Variants in CATSPER2 observed in about 807,000 individuals in gnomAD.
CATSPER2 encodes cation channel sperm-associated protein 2.
A neutral mutation model predicts 68.8 loss-of-function variants in CATSPER2; 56 were observed. That is an observed-to-expected ratio of 0.81 (90% CI 0.66 to 1.02). CATSPER2 has a LOEUF of 1.02. CATSPER2 is among the 50% of genes least tolerant of loss of function. CATSPER2 has a pLI of 0.00. For synonymous variants in CATSPER2, 198 were observed against 229.9 expected (o/e 0.86, Z 1.26); for missense variants, 582 against 642.0 (o/e 0.91, Z 1.01).
intron 7 of CATSPER2, chr15:43,637,625 A>G (rs1049845308): frequency 3.3e-5 from 5 of 152,024 alleles, no homozygotes; most frequent in Non-Finnish European, 7.4e-5. Flanking sequence ...TAGTGGTTTA[A>G]TATTTAAAAA....
chr15:43,635,288 A>G lies in CATSPER2; in HGVS notation c.1178+72T>C, dbSNP rs1301030844. The G allele has an allele frequency of 6.8e-6, 9 of 1,330,002 alleles. No individual in the cohort carries two copies. In the Admixed American group the frequency reaches 1.2e-4, roughly 17 times the overall value. The allele number at this position is 1,330,002 out of a possible 1,614,324, so 82.4% of individuals were successfully genotyped here. A position where few individuals can be genotyped will look rare whatever the true frequency, so the allele number is the denominator to read the frequency against. On this transcript the variant is annotated intron_variant, in intron 10 of 12. Transcript: ENST00000396879. ...ATGAATGAATTATCTCTCAAAGCCA[A>G]TCTTCATCTTTAGTTTTCCACCCTC... is the stretch of plus-strand genomic sequence containing the variant.
intron 10 of CATSPER2, 152 bp from the exon 11 acceptor site, chr15:43,633,086 C>A (rs2085904445): frequency 1.2e-6 from 1 of 850,548 alleles, no homozygotes. Flanking sequence ...GCACTTCCAA[C>A]CTCAATCATT....
intron 7 of CATSPER2, among the ~76,000 whole-genome samples, chr15:43,638,089 G>A (rs1399894713): frequency 1.3e-5 from 2 of 150,596 alleles, no homozygotes; most frequent in African/African-American, 2.4e-5. Flanking sequence ...GGAGTAGCTG[G>A]GATTACAGGC....
At chr15:43,632,547 C>T (rs2085893565) in intron 11 of CATSPER2, 170 bp downstream of exon 11, 3 of 1,462,026 alleles carry the variant, frequency 2.1e-6, no homozygotes, top group East Asian at 2.3e-5. Context: ...GCCACACTTA[C>T]CCGAAGTGAA....
intron 4 of CATSPER2, among the ~76,000 whole-genome samples, chr15:43,644,153 G>T (rs2447211): frequency 6.6e-6 from 1 of 151,722 alleles, no homozygotes; most frequent in Non-Finnish European, 1.5e-5. Flanking sequence ...ATATCCAGTT[G>T]TGGAAGCAGA....
In CATSPER2 at chr15:43,648,842, A is replaced by C. The variant is rs768140001; in HGVS notation, c.-216T>G. 2 of 1,527,088 alleles carry C rather than the reference A, an allele frequency of 1.3e-6. No individual in the cohort carries two copies. Among genetic ancestry groups the C allele is most frequent in the South Asian group, 2.4e-5 (2 of 82,946 alleles). 94.6% of individuals were successfully genotyped at this position (1,527,088 alleles called of 1,614,324 possible). A position where few individuals can be genotyped will look rare whatever the true frequency, so the allele number is the denominator to read the frequency against. On this transcript the variant is annotated 5_prime_UTR_variant, in exon 1 of 13. Transcript: ENST00000396879. ...CCCACAGCCCAGGACCATGCGGAGC[A>C]ACGCTCGCCCAGCCACTCGCCGCCT...
chr15:43,637,715 T>C (rs1469935058), intron 7 of CATSPER2: 1 of 151,948 alleles, frequency 6.6e-6, no homozygotes, highest in East Asian at 1.9e-4. Context: ...CCAATTTTAG[T>C]ACATGTGCTG....
rs2085852021 is a variant in CATSPER2 at position 43,630,375 on chromosome 15, TAC to T, written c.*324_*325del. 1 of 389,206 alleles carries T rather than the reference TAC, an allele frequency of 2.6e-6. No homozygotes were observed. The highest frequency in any genetic ancestry group is 3.6e-5 in the Admixed American group (1 of 27,470). 24.1% of individuals were successfully genotyped at this position (389,206 alleles called of 1,614,324 possible). Reference sequence around the variant, plus strand: ...ATCAGGAGTATTTATAAGACACTTATACAGAGTCTCACTCTGTTGCCCAGGCT... The same window carrying T: ...ATCAGGAGTATTTATAAGACACTTATAGAGTCTCACTCTGTTGCCCAGGCT... On this transcript the variant is annotated 3_prime_UTR_variant, in exon 13 of 13. Transcript: ENST00000396879.
In CATSPER2 at chr15:43,639,834, C is replaced by T. The variant is rs1484794280; in HGVS notation, c.562-36G>A. On this transcript the variant is annotated intron_variant, in intron 5 of 12. Transcript: ENST00000396879. ...CACACAGGTTATAAGTAAAATACACCCCAAGGCACCCAGGCAGAATTGCAG... is the reference window on the plus strand; with the variant it reads ...CACACAGGTTATAAGTAAAATACACTCCAAGGCACCCAGGCAGAATTGCAG... The T allele has an allele frequency of 2.5e-6, 4 of 1,608,012 alleles. No individual in the cohort carries two copies. In the South Asian group the frequency reaches 4.4e-5, roughly 18 times the overall value.
In CATSPER2 at chr15:43,638,286, C is replaced by CTTTCTTTTTTTTTTTTTTTTTTTTT. The variant is rs1354288133; in HGVS notation, c.842+617_842+618insAAAAAAAAAAAAAAAAAAAAAGAAA. Among the ~76,000 whole-genome samples the CTTTCTTTTTTTTTTTTTTTTTTTTT allele has an allele frequency of 2.8e-4, 23 of 81,834 alleles. 1 individual carries two copies. Among genetic ancestry groups the CTTTCTTTTTTTTTTTTTTTTTTTTT allele is most frequent in the African/African-American group, 1.5e-3 (20 of 13,272 alleles). 53.7% of individuals were successfully genotyped at this position (81,834 alleles called of 152,430 possible). A position where few individuals can be genotyped will look rare whatever the true frequency, so the allele number is the denominator to read the frequency against. Reference sequence around the variant, plus strand: ...ATTTTTCTTTTCTTTTTCTTTCTTTCTTTTTTTTTTTTTTTTTTTTTGAGA... The same window carrying CTTTCTTTTTTTTTTTTTTTTTTTTT: ...ATTTTTCTTTTCTTTTTCTTTCTTTCTTTCTTTTTTTTTTTTTTTTTTTTTTTTTTTTTTTTTTTTTTTTTTGAGA... On this transcript the variant is annotated intron_variant, in intron 7 of 12. Transcript: ENST00000396879.
At chr15:43,641,438 T>C (rs933506626) in intron 4 of CATSPER2, among the ~76,000 whole-genome samples, 3 of 151,944 alleles carry the variant, frequency 2.0e-5, no homozygotes, top group African/African-American at 7.2e-5. Context: ...CTAATTGCTA[T>C]TCCTTAATTC....
Position 43,630,459 on chromosome 15 carries a change from A to T in CATSPER2, c.*242T>A, listed in dbSNP as rs2085853053. On this transcript the variant is annotated 3_prime_UTR_variant, in exon 13 of 13. Transcript: ENST00000396879. ...AACCTCTGACTCCCAGGTTCAAGTG[A>T]TTCTCCTGCCTCAGGCTCCCAAGTA... 6.8e-6 allele frequency: 5 copies of T among 734,312 alleles called. No homozygotes were observed. In the South Asian group the frequency reaches 7.5e-5, roughly 11 times the overall value. 45.5% of individuals were successfully genotyped at this position (734,312 alleles called of 1,614,324 possible).
At chr15:43,641,515 GAA>G (rs60797816) in intron 4 of CATSPER2, among the ~76,000 whole-genome samples, 32,544 of 139,676 alleles carry the variant, frequency 0.23, 5,707 homozygotes, top group African/African-American at 0.49. Flanking sequence ...CATACCCTTG[GAA>G]AAAAAAAAAA....
chr15:43,643,957 T>C (rs1383545396), intron 4 of CATSPER2, among the ~76,000 whole-genome samples: 1 of 151,992 alleles, frequency 6.6e-6, no homozygotes, highest in Non-Finnish European at 1.5e-5. Context: ...CAAGTGATCC[T>C]GCCACCTCAG....
rs2085856929 is a variant in CATSPER2 at position 43,630,727 on chromosome 15, C to T, written c.1567G>A (p.Ala523Thr). 3 of 1,612,130 alleles carry T rather than the reference C, an allele frequency of 1.9e-6. No homozygotes were observed. The Admixed American group carries it at 5.0e-5, about 27-fold the overall frequency. The part of the protein sequence containing the change: ...RKKLQEFAVQ[A>T]LMNLEDK Reference sequence around the variant, plus strand: ...TACTTGTCTTCCAAGTTCATCAGTGCCTGCACTGCAAAGGAAACAGATTGT... The same window carrying T: ...TACTTGTCTTCCAAGTTCATCAGTGTCTGCACTGCAAAGGAAACAGATTGT... Residue 523 changes from alanine to threonine, a missense_variant, in exon 13 of 13, where the codon GCA becomes ACA. By Grantham distance (58) the Ala-to-Thr change is moderately conservative. Around this residue, in one of 5 missense-constraint regions of CATSPER2, gnomAD observed 235 missense variants for 264.2 expected, o/e 0.89. Coordinates refer to ENST00000396879, the MANE Select transcript of CATSPER2 (RefSeq NM_172095.4).
Position 43,635,362 on chromosome 15 carries a change from G to A in CATSPER2, c.1176C>T (p.Asp392=). The part of the protein sequence containing the change: ...ALTSSHSKIE[D]SSRGASQQRE... Reference sequence around the variant, plus strand: ...CAGTTCACATACATACTCCTAACCTGTCCTCTATTTTGCTATGGCTTGACG... The same window carrying A: ...CAGTTCACATACATACTCCTAACCTATCCTCTATTTTGCTATGGCTTGACG... Residue 392 remains aspartate (D), a splice_region_variant and synonymous_variant, in exon 10 of 13, where the codon GAC becomes GAT. Transcript: ENST00000396879. 1.2e-6 allele frequency: 2 copies of A among 1,607,340 alleles called. No individual in the cohort carries two copies. Among genetic ancestry groups the A allele is most frequent in the Non-Finnish European group, 1.7e-6 (2 of 1,177,214 alleles).
chr15:43,634,730 T>C (rs997664788), intron 10 of CATSPER2: 12 of 153,158 alleles, frequency 7.8e-5, no homozygotes, highest in Non-Finnish European at 1.5e-4. Context: ...CTGCTTTTTT[T>C]GTCCACTGCT....
At position 43,636,084 on chromosome 15, in the gene CATSPER2, C is replaced by A. The variant is rs1299586290; in HGVS notation, c.978G>T (p.Leu326Phe). 2 of 1,594,644 alleles carry A rather than the reference C, an allele frequency of 1.3e-6. No homozygotes were observed. ...FSSIYFILWL[L>F]LGSIIFRSII... ...TACTTCGAAAGATAATGGAGCCAAGCAACAACCAAAGGATGAAATAGATGC... is the reference window on the plus strand; with the variant it reads ...TACTTCGAAAGATAATGGAGCCAAGAAACAACCAAAGGATGAAATAGATGC... Residue 326 changes from leucine (L) to phenylalanine (F), a missense_variant, in exon 8 of 13, where the codon TTG becomes TTT. By Grantham distance (22) the Leu-to-Phe change is conservative. Coordinates refer to ENST00000396879, the MANE Select transcript of CATSPER2 (RefSeq NM_172095.4).
Position 43,648,781 on chromosome 15 carries a change from G to C in CATSPER2, c.-155C>G. On this transcript the variant is annotated 5_prime_UTR_variant, in exon 1 of 13. Transcript: ENST00000396879. ...ATTCCCCGCCCCGCTCGACCCCCAG[G>C]TTTCGGCTCACCCCGGGACCCGGCC... 6.5e-7 allele frequency: 1 copy of C among 1,528,498 alleles called. No homozygotes were observed. Among genetic ancestry groups the C allele is most frequent in the Non-Finnish European group, 8.8e-7 (1 of 1,141,490 alleles). 94.7% of individuals were successfully genotyped at this position (1,528,498 alleles called of 1,614,324 possible).
Sources: gnomAD v4.1 joint callset for allele counts (sites outside exome capture counted in the v4.1 genomes callset) on GRCh38, gnomAD v4.1.1 for gene constraint, gnomAD v4.1.1 regional missense constraint, MANE v1.5 for transcripts, NCBI Gene and HGNC (gene_info 2026-07-23, HGNC 2026-07-21) for gene names.